DLST: variants seen among roughly 807,000 people sequenced by gnomAD.
DLST encodes the protein dihydrolipoyllysine-residue succinyltransferase component of 2-oxoglutarate dehydrogenase complex, mitochondrial.
In DLST, 17 loss-of-function variants were observed where a neutral mutation model predicts 53.1. The observed-to-expected ratio is 0.32, with a 90% CI of 0.22 to 0.48. DLST has a LOEUF of 0.48. Among genes scored for constraint, DLST ranks in the 20% least tolerant of loss-of-function variants. The pLI is 0.99. For missense variants in DLST, 512 were observed against 583.9 expected, an observed-to-expected ratio of 0.88 and a Z score of 1.27; for synonymous variants, 206 against 204.8, an observed-to-expected ratio of 1.01 and a Z score of -0.05.
chr14:74,894,262 T>G, intron 9 of DLST, 50 bp from the exon 10 acceptor site: 3 of 1,605,440 alleles, frequency 1.9e-6, no homozygotes, highest in Non-Finnish European at 2.6e-6. Context: ...CGGGGAATGC[T>G]TGACCCAGAG....
intron 3 of DLST, 129 bp from the exon 4 acceptor site, chr14:74,888,966 A>G (rs572709560): frequency 1.1e-6 from 1 of 904,574 alleles, no homozygotes; most frequent in African/African-American, 1.7e-5. Flanking sequence ...GTTCCTCCCC[A>G]AGTGACACTG....
At chr14:74,902,112 T>C in intron 14 of DLST, 84 bp from the exon 15 acceptor site, 1 of 1,366,946 alleles carries the variant, frequency 7.3e-7, no homozygotes, top group African/African-American at 1.5e-5. Flanking sequence ...ATTAGGAACT[T>C]TCTTATGGGC....
At chr14:74,882,149 G>C (rs1883540721) in intron 1 of DLST, 133 bp downstream of exon 1, 1 of 795,504 alleles carries the variant, frequency 1.3e-6, no homozygotes, top group African/African-American at 1.8e-5. Context: ...AGGCCGCGCG[G>C]GCTGGGCGGC....
chr14:74,893,266 A>G, intron 8 of DLST, 82 bp from the exon 9 acceptor site: 1 of 1,454,214 alleles, frequency 6.9e-7, no homozygotes, highest in African/African-American at 1.4e-5. Context: ...ATTAAGTAAC[A>G]GTACATATGA....
intron 4 of DLST, 52 bp downstream of exon 4, chr14:74,889,199 A>G (rs1346215169): frequency 6.2e-7 from 1 of 1,607,724 alleles, no homozygotes; most frequent in Admixed American, 1.7e-5. Flanking sequence ...GCAACAATTG[A>G]TTGAGTTTAA....
rs757068422 is a variant in DLST at position 74,892,945 on chromosome 14, C to T, written c.554C>T (p.Pro185Leu). ...PPAAPIPTQMPPVPSPSQPPS... is the reference protein window; with the variant it reads ...PPAAPIPTQMLPVPSPSQPPS... ...GCAGCACCCATACCCACTCAGATGC[C>T]ACCGGTGCCCTCGCCCTCACAGCCT... The change falls in exon 8 of 15, where the codon CCA becomes CTA. Residue 185 changes from proline (P) to leucine (L), a missense_variant. Coordinates refer to ENST00000334220, the MANE Select transcript of DLST (RefSeq NM_001933.5). 1.9e-6 allele frequency: 3 copies of T among 1,614,042 alleles called. No homozygotes were observed. The highest frequency in any genetic ancestry group is 1.7e-6 in the Non-Finnish European group (2 of 1,179,992).
At position 74,891,058 on chromosome 14, in the gene DLST, A is replaced by C; in HGVS notation, c.333A>C (p.Thr111=). The C allele has an allele frequency of 6.2e-7, 1 of 1,610,780 alleles. No homozygotes were observed. Among genetic ancestry groups the C allele is most frequent in the Non-Finnish European group, 8.5e-7 (1 of 1,178,016 alleles). Residue 111 remains threonine, a splice_region_variant and synonymous_variant, in exon 7 of 15, where the codon ACA becomes ACC. Coordinates refer to ENST00000334220, the MANE Select transcript of DLST (RefSeq NM_001933.5). ...EVVCEIETDK[T]SVQVPSPANG... ...CTCCATCTGTCTTCCTCTTCCAGAC[A>C]TCTGTGCAGGTTCCATCACCAGCAA...
At chr14:74,888,412 G>A (rs1883781831) in intron 3 of DLST, among the ~76,000 whole-genome samples, 1 of 151,612 alleles carries the variant, frequency 6.6e-6, no homozygotes, top group African/African-American at 2.4e-5. Context: ...CTTGTACCCT[G>A]GGCAGGCCGT....
chr14:74,888,601 G>A (rs1235252167), intron 3 of DLST, among the ~76,000 whole-genome samples: 6 of 152,108 alleles, frequency 3.9e-5, no homozygotes, highest in Non-Finnish European at 5.9e-5. Flanking sequence ...CAGCTACCCG[G>A]GAGGCAGAGG....
At chr14:74,898,710 T>C (rs1328556662) in intron 11 of DLST, among the ~76,000 whole-genome samples, 1 of 152,260 alleles carries the variant, frequency 6.6e-6, no homozygotes, top group Non-Finnish European at 1.5e-5. Flanking sequence ...CAGTTTCTCT[T>C]CCCAGTGTAC....
chr14:74,894,161 A>AC, intron 9 of DLST, 151 bp from the exon 10 acceptor site: 1 of 853,560 alleles, frequency 1.2e-6, no homozygotes, highest in South Asian at 1.9e-5. Context: ...AGAAAGGGCC[A>AC]CCACAGGAAA....
chr14:74,890,982 TG>T (rs2140192854), intron 6 of DLST, 73 bp from the exon 7 acceptor site: 1 of 1,540,808 alleles, frequency 6.5e-7, no homozygotes, highest in East Asian at 2.3e-5. Context: ...CTGGCTTCAT[TG>T]GAGATTCTAT....
At chr14:74,900,440 C>A in intron 13 of DLST, 68 bp downstream of exon 13, 3 of 1,423,068 alleles carry the variant, frequency 2.1e-6, no homozygotes, top group Non-Finnish European at 2.0e-6. Flanking sequence ...AGGCTGGGCT[C>A]ACTAGCAAGC....
intron 11 of DLST, among the ~76,000 whole-genome samples, chr14:74,899,601 A>G (rs1489773562): frequency 6.6e-6 from 1 of 152,174 alleles, no homozygotes; most frequent in East Asian, 1.9e-4. Context: ...TCTCTGCTAA[A>G]GGAGGGCTTG....
intron 5 of DLST, 62 bp downstream of exon 5, chr14:74,889,411 C>T: frequency 1.5e-6 from 2 of 1,371,168 alleles, no homozygotes; most frequent in East Asian, 4.9e-5. Context: ...GCTCTGTTCC[C>T]AGCCTGGAGT....
intron 10 of DLST, 79 bp downstream of exon 10, chr14:74,894,488 C>G (rs952577811): frequency 3.7e-6 from 5 of 1,367,320 alleles, no homozygotes; most frequent in Admixed American, 4.3e-5. Context: ...TTATCTAGTG[C>G]TGATTCTAAA....
intron 10 of DLST, among the ~76,000 whole-genome samples, chr14:74,897,630 A>C (rs1332564085): frequency 6.6e-6 from 1 of 152,260 alleles, no homozygotes; most frequent in Non-Finnish European, 1.5e-5. Flanking sequence ...CCATTAAACT[A>C]ATCTTAGGGC....
At chr14:74,892,790 C>T (rs1241943216) in intron 7 of DLST, 44 bp from the exon 8 acceptor site, 5 of 1,544,954 alleles carry the variant, frequency 3.2e-6, no homozygotes, top group Non-Finnish European at 4.4e-6. Flanking sequence ...GGTTGCTTCT[C>T]ATTTCAGACA....
At chr14:74,894,172 G>T (rs1419180392) in intron 9 of DLST, 140 bp from the exon 10 acceptor site, 7 of 952,968 alleles carry the variant, frequency 7.3e-6, no homozygotes, top group Non-Finnish European at 9.1e-6. Flanking sequence ...CCACAGGAAA[G>T]GGAAGCCTGG....
Sources: gnomAD v4.1 joint callset for allele counts (sites outside exome capture counted in the v4.1 genomes callset) on GRCh38, gnomAD v4.1.1 for gene constraint, MANE v1.5 for transcripts, NCBI Gene and HGNC (gene_info 2026-07-23, HGNC 2026-07-21) for gene names.